Variants in CNTN5 observed in about 807,000 individuals in gnomAD.
The protein encoded by CNTN5 is contactin 5.
Under a neutral mutation model 129.1 loss-of-function variants are expected in CNTN5, and 77 were observed. The ratio of observed to expected loss-of-function variants is 0.60; its 90% CI spans 0.50 to 0.72. The LOEUF is 0.72. Among genes scored for constraint, CNTN5 ranks in the 30% least tolerant of loss-of-function variants. The pLI, the probability that CNTN5 is intolerant of heterozygous loss-of-function variation, is 0.00. For missense variants in CNTN5, 1,478 were observed against 1,328.8 expected (o/e 1.11, Z -1.75); for synonymous variants, 509 against 465.6 (o/e 1.09, Z -1.20).
At chr11:100,127,462 G>A (rs1392674635) in intron 13 of CNTN5, among the ~76,000 whole-genome samples, 2 of 151,860 alleles carry the variant, frequency 1.3e-5, no homozygotes, top group African/African-American at 2.4e-5. Context: ...AGGACAGTTA[G>A]TAATATAATT....
intron 1 of CNTN5, among the ~76,000 whole-genome samples, chr11:99,205,248 G>A (rs938079270): frequency 2.2e-4 from 33 of 152,004 alleles, no homozygotes; most frequent in African/African-American, 7.7e-4. Flanking sequence ...AAAATTCCCT[G>A]GAAAAGGAGA....
At chr11:99,129,936 C>A (rs1298129433) in intron 1 of CNTN5, among the ~76,000 whole-genome samples, 1 of 152,274 alleles carries the variant, frequency 6.6e-6, no homozygotes, top group South Asian at 2.1e-4. Flanking sequence ...CACCACCAGG[C>A]CTGCCATGCA....
intron 8 of CNTN5, among the ~76,000 whole-genome samples, chr11:99,982,522 A>G (rs1005941451): frequency 2.6e-5 from 4 of 152,214 alleles, no homozygotes; most frequent in African/African-American, 9.6e-5. Context: ...AAATACTGAA[A>G]AGAATACAGG....
intron 13 of CNTN5, among the ~76,000 whole-genome samples, chr11:100,132,084 G>A (rs924411847): frequency 2.6e-5 from 4 of 151,974 alleles, no homozygotes; most frequent in African/African-American, 9.7e-5. Context: ...TTTGAGCAAA[G>A]GAAAAGCCAA....
chr11:99,971,246 G>A (rs748167384), intron 8 of CNTN5, among the ~76,000 whole-genome samples: 9 of 152,056 alleles, frequency 5.9e-5, no homozygotes, highest in East Asian at 1.9e-4. Flanking sequence ...CCTTTCTCAT[G>A]TTAAGATACT....
rs1235082335 is a variant in CNTN5, at chr11:99,030,844, G to A, written c.-210+9574G>A. 6.1e-5 allele frequency among the ~76,000 whole-genome samples: 9 copies of A among 148,520 alleles called. No homozygotes were observed. The East Asian group carries it at 1.6e-3, about 26-fold the overall frequency. ...CGCCCAGGCTGGAGTGCAGTGGCGC[G>A]ATCTCGGTTCACTGCAACCTCCGCC... On this transcript the variant is annotated intron_variant, in intron 1 of 24. Transcript: ENST00000524871.
chr11:99,147,396 G>T (rs988421210), intron 1 of CNTN5, among the ~76,000 whole-genome samples: 44 of 152,072 alleles, frequency 2.9e-4, no homozygotes, highest in Admixed American at 2.9e-3. Context: ...TAAGAGAAAA[G>T]AAAGATTTCA....
At chr11:100,259,136 G>T (rs531035807) in intron 17 of CNTN5, among the ~76,000 whole-genome samples, 1 of 151,934 alleles carries the variant, frequency 6.6e-6, no homozygotes, top group Admixed American at 6.6e-5. Context: ...AAAAAGCAGG[G>T]GTTGCAATCC....
At chr11:100,105,468 A>C (rs1161285247) in intron 13 of CNTN5, among the ~76,000 whole-genome samples, 2 of 152,174 alleles carry the variant, frequency 1.3e-5, no homozygotes, top group Non-Finnish European at 2.9e-5. Context: ...GTATAACCAC[A>C]TGGGAATAAC....
intron 18 of CNTN5, among the ~76,000 whole-genome samples, chr11:100,293,303 A>G (rs1169480600): frequency 1.3e-5 from 2 of 151,798 alleles, no homozygotes; most frequent in Non-Finnish European, 2.9e-5. Context: ...AAATTCTTAC[A>G]TTTCCTGAAA....
intron 2 of CNTN5, among the ~76,000 whole-genome samples, chr11:99,423,238 G>C (rs532903546): frequency 3.9e-5 from 6 of 152,222 alleles, no homozygotes; most frequent in Admixed American, 2.0e-4. Context: ...GTTAGCTATG[G>C]TCTTTACTCA....
intron 8 of CNTN5, among the ~76,000 whole-genome samples, chr11:99,980,655 C>A (rs1483094937): frequency 6.6e-6 from 1 of 152,040 alleles, no homozygotes; most frequent in African/African-American, 2.4e-5. Context: ...GTTGCTGCTG[C>A]CTTTTAATAT....
intron 9 of CNTN5, among the ~76,000 whole-genome samples, chr11:100,010,566 T>C (rs1473211377): frequency 1.3e-5 from 2 of 152,134 alleles, no homozygotes; most frequent in South Asian, 2.1e-4. Context: ...ATGGTGTTCC[T>C]TCTGGCTTCT....
intron 3 of CNTN5, among the ~76,000 whole-genome samples, chr11:99,721,819 G>C (rs1296248627): frequency 6.6e-6 from 1 of 152,064 alleles, no homozygotes; most frequent in African/African-American, 2.4e-5. Context: ...TAAAAAGTGG[G>C]CAAACAACAT....
chr11:100,178,650 G>C (rs1948040781), intron 13 of CNTN5, among the ~76,000 whole-genome samples: 1 of 152,186 alleles, frequency 6.6e-6, no homozygotes, highest in Non-Finnish European at 1.5e-5. Context: ...CACACACATA[G>C]TAAGATTGTG....
chr11:99,847,940 C>T (rs1267700576), intron 6 of CNTN5, among the ~76,000 whole-genome samples: 2 of 152,144 alleles, frequency 1.3e-5, no homozygotes, highest in Non-Finnish European at 2.9e-5. Context: ...AGGCTGGGCG[C>T]GGTGGCTCAC....
intron 4 of CNTN5, among the ~76,000 whole-genome samples, chr11:99,834,584 A>AT (rs1400876224): frequency 1.3e-5 from 2 of 152,152 alleles, no homozygotes; most frequent in Admixed American, 1.3e-4. Context: ...TTTTAAAATC[A>AT]TTTTTAAAAG....
At chr11:99,703,692 G>T (rs1954627774) in intron 3 of CNTN5, among the ~76,000 whole-genome samples, 1 of 150,812 alleles carries the variant, frequency 6.6e-6, no homozygotes, top group African/African-American at 2.4e-5. Context: ...CATATCTAAT[G>T]ACATGTTCTA....
chr11:100,199,474 C>G (rs1214680994), intron 15 of CNTN5, among the ~76,000 whole-genome samples: 1 of 151,766 alleles, frequency 6.6e-6, no homozygotes, highest in East Asian at 1.9e-4. Context: ...CAATCTTTCA[C>G]CTAACTTAAA....
Sources: gnomAD v4.1 joint callset for allele counts (sites outside exome capture counted in the v4.1 genomes callset) on GRCh38, gnomAD v4.1.1 for gene constraint, MANE v1.5 for transcripts, NCBI Gene and HGNC (gene_info 2026-07-23, HGNC 2026-07-21) for gene names.